BEND2: variants seen among roughly 807,000 people sequenced by gnomAD.
BEND2 encodes the protein BEN domain-containing protein 2.
In BEND2, 19 loss-of-function variants were observed where a neutral mutation model predicts 43.8. The ratio of observed to expected loss-of-function variants is 0.43; its 90% CI spans 0.30 to 0.64. The LOEUF (loss-of-function observed/expected upper bound fraction) is 0.64. Ranked by LOEUF, BEND2 falls within the 30% of genes least tolerant of loss-of-function variation. The pLI is 0.11. For missense variants in BEND2, 544 were observed against 574.0 expected, an observed-to-expected ratio of 0.95 and a Z score of 0.53; for synonymous variants, 226 against 210.1, an observed-to-expected ratio of 1.08 and a Z score of -0.66.
chrX:18,212,223 T>C (rs1008007776), intron 4 of BEND2, among the ~76,000 whole-genome samples: 1 of 107,348 alleles, frequency 9.3e-6, no homozygotes, highest in African/African-American at 3.4e-5. Flanking sequence ...GCCTCCCGAG[T>C]AGCTAGGATT....
Position 18,201,805 on chromosome X carries a change from T to C in BEND2, c.1033+10A>G. 1 of 1,203,519 alleles carries C rather than the reference T, an allele frequency of 8.3e-7. No individual in the cohort carries two copies. The highest frequency in any genetic ancestry group is 1.1e-6 in the Non-Finnish European group (1 of 891,954). ...ACCACGCCCAGCATTATGTATCATTTCAAACTCACCAAAATAGGGAGGGAT... is the reference window on the plus strand; with the variant it reads ...ACCACGCCCAGCATTATGTATCATTCCAAACTCACCAAAATAGGGAGGGAT... On this transcript the variant is annotated intron_variant, in intron 6 of 13. Coordinates refer to ENST00000380033, the MANE Select transcript of BEND2 (RefSeq NM_153346.5).
intron 2 of BEND2, among the ~76,000 whole-genome samples, chrX:18,214,936 T>C (rs1201827573): frequency 4.5e-5 from 5 of 110,557 alleles, no homozygotes; most frequent in Admixed American, 2.9e-4. Flanking sequence ...TATTGTAACC[T>C]TTAAATACAT....
Position 18,203,541 on chromosome X carries a change from T to C in BEND2, c.867A>G (p.Pro289=), listed in dbSNP as rs1329614920. The C allele has an allele frequency of 8.3e-7, 1 of 1,211,327 alleles. No homozygotes were observed. The highest frequency in any genetic ancestry group is 1.8e-5 in the South Asian group (1 of 56,885). ...AGCAGAAAGATGACAAGGCTCTACC[T>C]GGGCCCACATTTTCATTTTCTGGTA... The part of the protein sequence containing the change: ...SALPENENVG[P]GRALSSFCFH... The change falls in exon 5 of 14, where the codon CCA becomes CCG. Residue 289 remains proline (P), a synonymous_variant. Coordinates refer to ENST00000380033, the MANE Select transcript of BEND2 (RefSeq NM_153346.5).
At chrX:18,185,662 T>C (rs952637265) in intron 8 of BEND2, among the ~76,000 whole-genome samples, 1 of 109,079 alleles carries the variant, frequency 9.2e-6, no homozygotes, top group Non-Finnish European at 1.9e-5. Context: ...GAAGACTACC[T>C]CAAGACATTT....
intron 12 of BEND2, 76 bp downstream of exon 12, chrX:18,173,954 C>T: frequency 1.2e-6 from 1 of 861,172 alleles, no homozygotes; most frequent in South Asian, 2.5e-5. Context: ...ACAATGAACC[C>T]CATAAATGCA....
At chrX:18,205,394 T>C (rs1925299158) in intron 4 of BEND2, among the ~76,000 whole-genome samples, 1 of 106,073 alleles carries the variant, frequency 9.4e-6, no homozygotes, top group Non-Finnish European at 1.9e-5. Flanking sequence ...CAGGACTCCA[T>C]CTCTAACAAA....
intron 9 of BEND2, among the ~76,000 whole-genome samples, chrX:18,179,918 T>G (rs1350240661): frequency 8.9e-6 from 1 of 112,499 alleles, no homozygotes; most frequent in Non-Finnish European, 1.9e-5. Flanking sequence ...GGCTCATGCC[T>G]GTAATCCTAG....
intron 8 of BEND2, among the ~76,000 whole-genome samples, chrX:18,183,935 C>T (rs759198161): frequency 2.8e-4 from 31 of 111,827 alleles, no homozygotes; most frequent in Admixed American, 2.8e-3. Flanking sequence ...GGGGGGAACT[C>T]ACCACCCTGA....
chrX:18,169,010 A>C (rs1220302310), intron 13 of BEND2, among the ~76,000 whole-genome samples: 1 of 110,396 alleles, frequency 9.1e-6, no homozygotes, highest in Admixed American at 9.7e-5. Flanking sequence ...CACACCTATA[A>C]TCCCAGCACT....
intron 9 of BEND2, among the ~76,000 whole-genome samples, chrX:18,178,057 G>C (rs914924416): frequency 5.4e-5 from 6 of 111,156 alleles, no homozygotes; most frequent in African/African-American, 2.0e-4. Context: ...TCATTAGCTT[G>C]AACACATGTC....
At chrX:18,198,819 T>C (rs1253642507) in intron 6 of BEND2, among the ~76,000 whole-genome samples, 18 of 107,981 alleles carry the variant, frequency 1.7e-4, no homozygotes, top group Non-Finnish European at 3.8e-5. Flanking sequence ...CCAACAATGA[T>C]AGACTGGATT....
chrX:18,218,675 C>T (rs1449107198), intron 1 of BEND2, among the ~76,000 whole-genome samples: 1 of 111,880 alleles, frequency 8.9e-6, no homozygotes, highest in Non-Finnish European at 1.9e-5. Context: ...CCAGCCTGGC[C>T]AACACAGTGA....
rs1925685641 is a variant in BEND2 at position 18,216,698 on chromosome X, TATC to T, written c.58_60del (p.Asp20del). ...ACCATCTCAATACTGCAATCATTGTTATCATCACTGTCGTCGACAGTTATAATA... is the reference window on the plus strand; with the variant it reads ...ACCATCTCAATACTGCAATCATTGTTATCACTGTCGTCGACAGTTATAATA... On this transcript the variant is annotated inframe_deletion, in exon 2 of 14. Coordinates refer to ENST00000380033, the MANE Select transcript of BEND2 (RefSeq NM_153346.5). The T allele has an allele frequency of 2.5e-6, 3 of 1,209,988 alleles. No homozygotes were observed. The highest frequency in any genetic ancestry group is 2.3e-4 in the Middle Eastern group (1 of 4,309).
At chrX:18,183,877 G>C (rs1164667173) in intron 8 of BEND2, among the ~76,000 whole-genome samples, 1 of 111,643 alleles carries the variant, frequency 9.0e-6, no homozygotes, top group African/African-American at 3.3e-5. Context: ...GAGGTCTCCA[G>C]CTCCAGGCCC....
chrX:18,168,251 T>C (rs1053677328), intron 13 of BEND2, among the ~76,000 whole-genome samples: 3 of 112,187 alleles, frequency 2.7e-5, no homozygotes, highest in African/African-American at 9.7e-5. Flanking sequence ...GGAGTGTCTT[T>C]ATGATCTCCT....
At chrX:18,176,857 C>G (rs1602028352) in intron 10 of BEND2, among the ~76,000 whole-genome samples, 1 of 110,974 alleles carries the variant, frequency 9.0e-6, no homozygotes, top group African/African-American at 3.3e-5. Flanking sequence ...CAGCTCTTCC[C>G]TCTGCCTAGA....
chrX:18,203,398 A>G, intron 5 of BEND2, 103 bp downstream of exon 5: 1 of 949,459 alleles, frequency 1.1e-6, no homozygotes, highest in Middle Eastern at 3.4e-4. Context: ...GCTTCAAGAT[A>G]AAACTTTTAA....
chrX:18,209,923 T>C (rs1925454288), intron 4 of BEND2, among the ~76,000 whole-genome samples: 1 of 111,448 alleles, frequency 9.0e-6, no homozygotes, highest in Non-Finnish European at 1.9e-5. Context: ...TAATTTTAAG[T>C]TATACATGTA....
intron 13 of BEND2, among the ~76,000 whole-genome samples, chrX:18,167,390 G>A (rs1923851636): frequency 9.0e-6 from 1 of 111,720 alleles, no homozygotes; most frequent in African/African-American, 3.3e-5. Context: ...GACCTACACT[G>A]ACAAGATATG....
Sources: allele counts gnomAD v4.1 joint callset (sites outside exome capture counted in the v4.1 genomes callset), GRCh38; gene constraint gnomAD v4.1.1; transcripts MANE v1.5; gene names NCBI Gene and HGNC (gene_info 2026-07-23, HGNC 2026-07-21).